The following LY86 variants were observed in gnomAD, a reference collection of about 807,000 sequenced individuals.
LY86 encodes the protein MD-1, RP105-associated.
A neutral mutation model predicts 17.3 loss-of-function variants in LY86; 20 were observed. The observed-to-expected ratio is 1.15, with a 90% CI of 0.81 to 1.68. The LOEUF is 1.68. Among genes scored for constraint, LY86 ranks in the 40% most tolerant of loss-of-function variants. The probability of loss-of-function intolerance (pLI) is 0.00; values close to 1 mark genes in which losing one functional copy is unlikely to be tolerated. For synonymous variants in LY86, 74 were observed against 70.6 expected, an observed-to-expected ratio of 1.05 and a Z score of -0.24; for missense variants, 200 against 191.9, an observed-to-expected ratio of 1.04 and a Z score of -0.25.
chr6:6,595,748 A>C (rs1172078610), intron 1 of LY86, among the ~76,000 whole-genome samples: 1 of 152,194 alleles, frequency 6.6e-6, no homozygotes, highest in Non-Finnish European at 1.5e-5. Flanking sequence ...TATCATTAAG[A>C]ACAGCATATT....
At chr6:6,602,053 G>GCCACCTGAC (rs1386247640) in intron 1 of LY86, among the ~76,000 whole-genome samples, 1 of 152,202 alleles carries the variant, frequency 6.6e-6, no homozygotes, top group African/African-American at 2.4e-5. Context: ...TGCCTTTTAT[G>GCCACCTGAC]CCACCTGACC....
chr6:6,592,599 C>G (rs1760563232), intron 1 of LY86, among the ~76,000 whole-genome samples: 1 of 152,284 alleles, frequency 6.6e-6, no homozygotes, highest in Non-Finnish European at 1.5e-5. Flanking sequence ...ACCCTAATCC[C>G]AGTGTGACAG....
chr6:6,637,074 G>A lies in LY86; in HGVS notation c.352+10653G>A, dbSNP rs960340563. 5.6e-5 allele frequency among the ~76,000 whole-genome samples: 8 copies of A among 142,794 alleles called. 1 individual carries two copies. The highest frequency in any genetic ancestry group is 4.3e-4 in the Admixed American group (6 of 13,852). 93.7% of individuals were successfully genotyped at this position (142,794 alleles called of 152,430 possible). A position where few individuals can be genotyped will look rare whatever the true frequency, so the allele number is the denominator to read the frequency against. ...CGCCCAGGCTGGAGTGCAGTGTGATGTGATCTCGGCTCACTGCAAGCTCCG... is the reference window on the plus strand; with the variant it reads ...CGCCCAGGCTGGAGTGCAGTGTGATATGATCTCGGCTCACTGCAAGCTCCG... On this transcript the variant is annotated intron_variant, in intron 3 of 4. Coordinates refer to ENST00000230568, the MANE Select transcript of LY86 (RefSeq NM_004271.4).
chr6:6,593,310 TTC>T (rs1282315130), intron 1 of LY86, among the ~76,000 whole-genome samples: 4 of 152,354 alleles, frequency 2.6e-5, no homozygotes, highest in East Asian at 1.9e-4. Context: ...GGCCTTCCTG[TTC>T]TGTTTCAAAG....
chr6:6,605,805 G>C (rs1316284895), intron 1 of LY86, among the ~76,000 whole-genome samples: 1 of 152,142 alleles, frequency 6.6e-6, no homozygotes, highest in Non-Finnish European at 1.5e-5. Context: ...TTTTGGTGGG[G>C]TTCGTGGTCT....
At chr6:6,640,999 A>G (rs1225828282) in intron 3 of LY86, among the ~76,000 whole-genome samples, 1 of 152,228 alleles carries the variant, frequency 6.6e-6, no homozygotes, top group Non-Finnish European at 1.5e-5. Context: ...AAACTAAGAT[A>G]ACTTATGTAT....
chr6:6,593,811 C>T (rs894524798), intron 1 of LY86, among the ~76,000 whole-genome samples: 1 of 152,198 alleles, frequency 6.6e-6, no homozygotes, highest in Non-Finnish European at 1.5e-5. Context: ...CATGGTGACT[C>T]AAACCCGCTG....
chr6:6,611,917 GT>G (rs997730079), intron 1 of LY86, among the ~76,000 whole-genome samples: 7 of 152,132 alleles, frequency 4.6e-5, no homozygotes, highest in African/African-American at 1.7e-4. Context: ...CTGCTGCTGT[GT>G]TCTGCCAGCT....
intron 1 of LY86, among the ~76,000 whole-genome samples, chr6:6,623,084 T>G (rs1761715639): frequency 6.6e-6 from 1 of 152,204 alleles, no homozygotes; most frequent in Non-Finnish European, 1.5e-5. Flanking sequence ...ATTCTGCAGG[T>G]CTGGGTGCTG....
At chr6:6,610,005 G>A (rs895614604) in intron 1 of LY86, among the ~76,000 whole-genome samples, 6 of 152,256 alleles carry the variant, frequency 3.9e-5, no homozygotes, top group African/African-American at 1.2e-4. Context: ...CAGGCTGGTC[G>A]TGAACTCCTG....
intron 1 of LY86, among the ~76,000 whole-genome samples, chr6:6,609,866 C>T (rs558381433): frequency 6.8e-4 from 103 of 151,906 alleles, no homozygotes; most frequent in African/African-American, 2.4e-3. Flanking sequence ...AAAAAGAATT[C>T]GTGCTTGTTC....
intron 1 of LY86, among the ~76,000 whole-genome samples, chr6:6,619,601 C>T (rs1437246706): frequency 3.3e-5 from 5 of 152,226 alleles, no homozygotes; most frequent in Non-Finnish European, 5.9e-5. Flanking sequence ...CTTTCTCCTC[C>T]GCAGGTCGTG....
intron 2 of LY86, among the ~76,000 whole-genome samples, chr6:6,625,525 T>G (rs1761770562): frequency 6.6e-6 from 1 of 152,240 alleles, no homozygotes; most frequent in Non-Finnish European, 1.5e-5. Flanking sequence ...TGTTTAATTT[T>G]CATATGATCA....
At position 6,588,789 on chromosome 6, in the gene LY86, A is replaced by G. The variant is rs760078628; in HGVS notation, c.55A>G (p.Ser19Gly). ...CTGGACTCTGATTTTTCCCAGCTGC[A>G]GTGGAGGCGGCGGTGGGAAAGCCTG... ...FLWTLIFPSC[S>G]GGGGGKAWPT... is the part of the protein sequence containing the mutation. Residue 19 changes from serine (S) to glycine (G), a missense_variant, in exon 1 of 5, where the codon AGT (serine) becomes GGT (glycine). By Grantham distance (56) the Ser-to-Gly change is moderately conservative. Transcript: ENST00000230568. The G allele has an allele frequency of 1.2e-6, 2 of 1,614,176 alleles. No homozygotes were observed. Among genetic ancestry groups the G allele is most frequent in the South Asian group, 1.1e-5 (1 of 91,080 alleles).
At chr6:6,593,963 C>T (rs1336511819) in intron 1 of LY86, among the ~76,000 whole-genome samples, 1 of 152,250 alleles carries the variant, frequency 6.6e-6, no homozygotes, top group Non-Finnish European at 1.5e-5. Context: ...AGATTGTGTA[C>T]AGGAATGGAT....
At chr6:6,612,338 T>C (rs764411432) in intron 1 of LY86, among the ~76,000 whole-genome samples, 1 of 152,230 alleles carries the variant, frequency 6.6e-6, no homozygotes, top group African/African-American at 2.4e-5. Context: ...ACCCTCGCAG[T>C]AAGCATTACA....
At chr6:6,624,066 A>G (rs1393134759) in intron 1 of LY86, among the ~76,000 whole-genome samples, 4 of 152,200 alleles carry the variant, frequency 2.6e-5, no homozygotes, top group Non-Finnish European at 5.9e-5. Context: ...GATTTAGATA[A>G]TGGCCAAAAA....
At chr6:6,597,019 AT>A (rs1760736678) in intron 1 of LY86, among the ~76,000 whole-genome samples, 1 of 152,080 alleles carries the variant, frequency 6.6e-6, no homozygotes, top group South Asian at 2.1e-4. Context: ...AGCTCCGCTC[AT>A]GTTTTGGGAG....
At chr6:6,598,947 T>C (rs1760812507) in intron 1 of LY86, among the ~76,000 whole-genome samples, 1 of 152,248 alleles carries the variant, frequency 6.6e-6, no homozygotes, top group Non-Finnish European at 1.5e-5. Flanking sequence ...TCACTGGAGC[T>C]GATTTGACTG....
Sources: gnomAD v4.1 joint callset for allele counts (sites outside exome capture counted in the v4.1 genomes callset) on GRCh38, gnomAD v4.1.1 for gene constraint, MANE v1.5 for transcripts, NCBI Gene and HGNC (gene_info 2026-07-23, HGNC 2026-07-21) for gene names.